LAX1: variants seen among roughly 807,000 people sequenced by gnomAD.
The protein encoded by LAX1 is lymphocyte transmembrane adapter 1.
LAX1 carries 17 observed loss-of-function variants against 20.7 expected under a neutral mutation model. The ratio of observed to expected loss-of-function variants is 0.82; its 90% CI spans 0.56 to 1.23. The LOEUF is 1.23. Among genes scored for constraint, LAX1 ranks in the 50% most tolerant of loss-of-function variants. The probability of loss-of-function intolerance (pLI) is 0.00; values close to 1 mark genes in which losing one functional copy is unlikely to be tolerated. For missense variants in LAX1, 470 were observed against 487.0 expected (o/e 0.97, Z 0.33); for synonymous variants, 165 against 181.0 (o/e 0.91, Z 0.71).
intron 1 of LAX1, among the ~76,000 whole-genome samples, chr1:203,770,614 T>C (rs551639554): frequency 9.2e-5 from 14 of 151,946 alleles, no homozygotes; most frequent in Non-Finnish European, 1.9e-4. Context: ...CCGGTAGGCA[T>C]TTGAAAGGAA....
At chr1:203,769,339 C>G (rs758904478) in intron 1 of LAX1, among the ~76,000 whole-genome samples, 2 of 149,062 alleles carry the variant, frequency 1.3e-5, no homozygotes, top group Non-Finnish European at 3.0e-5. Flanking sequence ...TTGCAGTGAG[C>G]CAAGATCATG....
intron 1 of LAX1, among the ~76,000 whole-genome samples, chr1:203,767,527 C>T (rs761593410): frequency 1.3e-4 from 19 of 151,520 alleles, no homozygotes; most frequent in Non-Finnish European, 2.6e-4. Context: ...AGGCTGGTCT[C>T]GAACTCCTTA....
Position 203,772,160 on chromosome 1 carries a change from C to T in LAX1, c.390+13C>T. On this transcript the variant is annotated intron_variant, in intron 4 of 4. Transcript: ENST00000442561. ...CCCGGAGCATGTGGTAAGAGTCAAGCTTCTTGGGAGAATGACATGTCTCTG... is the reference window on the plus strand; with the variant it reads ...CCCGGAGCATGTGGTAAGAGTCAAGTTTCTTGGGAGAATGACATGTCTCTG... 1 of 1,596,676 alleles carries T rather than the reference C, an allele frequency of 6.3e-7. No individual in the cohort carries two copies. The highest frequency in any genetic ancestry group is 8.6e-7 in the Non-Finnish European group (1 of 1,164,134).
At chr1:203,769,773 C>CGGGGGGGGGGGG (rs1311215813) in intron 1 of LAX1, 5 of 24,322 alleles carry the variant, frequency 2.1e-4, no homozygotes, top group Non-Finnish European at 2.6e-4. Context: ...CAAATTGGTG[C>CGGGGGGGGGGGG]GGGGGGGGGG....
rs867766089 is a variant in LAX1, at chr1:203,765,257, T to G, written c.-309T>G. On this transcript the variant is annotated 5_prime_UTR_variant, in exon 1 of 5. Transcript: ENST00000442561. ...TGAGCCTCTTGGCAGTTTCCCCCTC[T>G]GTGCCCCTCACGTTTCCACCAGAAA... 3.4e-5 allele frequency: 42 copies of G among 1,241,242 alleles called. No homozygotes were observed. In the South Asian group the frequency reaches 5.4e-4, roughly 16 times the overall value. The allele number at this position is 1,241,242 out of a possible 1,614,324, so 76.9% of individuals were successfully genotyped here.
chr1:203,773,765 T>C (rs1667459792), intron 4 of LAX1, 110 bp from the exon 5 acceptor site: 2 of 253,954 alleles, frequency 7.9e-6, no homozygotes, highest in African/African-American at 2.9e-5. Flanking sequence ...TCTTTTTTTT[T>C]TTTTTTTTTT....
At chr1:203,769,441 GAA>G (rs1491157801) in intron 1 of LAX1, among the ~76,000 whole-genome samples, 42 of 94,724 alleles carry the variant, frequency 4.4e-4, no homozygotes, top group African/African-American at 1.4e-3. Context: ...AAGAAAGAAA[GAA>G]GGAAAGAAAG....
At position 203,775,913 on chromosome 1, in the gene LAX1, G is replaced by C. The variant is rs1317462350; in HGVS notation, c.*1232G>C. 1 of 152,320 alleles carries C rather than the reference G, an allele frequency of 6.6e-6. No homozygotes were observed. Among genetic ancestry groups the C allele is most frequent in the African/African-American group, 2.4e-5 (1 of 41,464 alleles). 9.4% of individuals were successfully genotyped at this position (152,320 alleles called of 1,614,324 possible). A position where few individuals can be genotyped will look rare whatever the true frequency, so the allele number is the denominator to read the frequency against. On this transcript the variant is annotated 3_prime_UTR_variant, in exon 5 of 5. Transcript: ENST00000442561. ...ACAGATCAGTTGTTGTCAGGTTTGA[G>C]AAAAGGAGGGAAGTTTGCTACAAAG...
intron 1 of LAX1, among the ~76,000 whole-genome samples, chr1:203,770,208 G>A (rs989031601): frequency 6.6e-6 from 1 of 151,770 alleles, no homozygotes; most frequent in Non-Finnish European, 1.5e-5. Context: ...ACAAGGTCAA[G>A]AGATTGAGAC....
rs1667285567 is a variant in LAX1, at chr1:203,765,253, C to T, written c.-313C>T. On this transcript the variant is annotated 5_prime_UTR_variant, in exon 1 of 5. Coordinates refer to ENST00000442561, the MANE Select transcript of LAX1 (RefSeq NM_017773.4). Reference sequence around the variant, plus strand: ...CTCTTGAGCCTCTTGGCAGTTTCCCCCTCTGTGCCCCTCACGTTTCCACCA... The same window carrying T: ...CTCTTGAGCCTCTTGGCAGTTTCCCTCTCTGTGCCCCTCACGTTTCCACCA... The T allele has an allele frequency of 1.7e-6, 2 of 1,198,976 alleles. No individual in the cohort carries two copies. The allele number at this position is 1,198,976 out of a possible 1,614,324, so 74.3% of individuals were successfully genotyped here.
intron 1 of LAX1, among the ~76,000 whole-genome samples, chr1:203,766,454 G>A (rs78964285): frequency 0.025 from 3,810 of 152,210 alleles, 141 homozygotes; most frequent in African/African-American, 0.083. Flanking sequence ...TCCAGCCTGG[G>A]CAACAAAAGC....
Position 203,765,634 on chromosome 1 carries a change from G to C in LAX1, c.69G>C (p.Val23=), listed in dbSNP as rs1298335562. ...GRTLESSTLH[V]TPRSLDRNKD... is the part of the protein sequence containing the mutation. ...CCTTGGAGTCCAGCACTCTGCATGT[G>C]ACTCCCCGCAGCCTGGACAGGTGAG... Residue 23 remains valine (V), a synonymous_variant, in exon 1 of 5, where the codon GTG becomes GTC. Transcript: ENST00000442561. 4 of 1,614,008 alleles carry C rather than the reference G, an allele frequency of 2.5e-6. No homozygotes were observed. The highest frequency in any genetic ancestry group is 3.4e-6 in the Non-Finnish European group (4 of 1,180,026).
intron 2 of LAX1, 152 bp from the exon 3 acceptor site, chr1:203,771,215 T>G: frequency 1.4e-6 from 1 of 700,794 alleles, no homozygotes. Context: ...CTCACTCAAA[T>G]GAAAATTCCT....
Position 203,774,152 on chromosome 1 carries a change from AG to A in LAX1, c.669del (p.Lys224SerfsTer48). 1.2e-6 allele frequency: 2 copies of A among 1,614,188 alleles called. No individual in the cohort carries two copies. The highest frequency in any genetic ancestry group is 1.7e-6 in the Non-Finnish European group (2 of 1,180,034). On this transcript the variant is annotated frameshift_variant, in exon 5 of 5. Coordinates refer to ENST00000442561, the MANE Select transcript of LAX1 (RefSeq NM_017773.4). LOFTEE classifies it low-confidence loss of function (END_TRUNC). The stretch of plus-strand genomic sequence containing the variant: ...AATCTCTTTGTTCTTCCCAGTACCC[AG>A]AAGCTGGAGTTTACTGAGGAAAGAG... ...SRNLFVLPST[Q>X]KLEFTEERDE...
chr1:203,766,943 C>T (rs998951223), intron 1 of LAX1, among the ~76,000 whole-genome samples: 2 of 152,156 alleles, frequency 1.3e-5, no homozygotes, highest in African/African-American at 4.8e-5. Context: ...GCAGCCTCCA[C>T]CTCCCAGGTT....
At chr1:203,768,500 A>G (rs780523658) in intron 1 of LAX1, among the ~76,000 whole-genome samples, 2 of 152,088 alleles carry the variant, frequency 1.3e-5, no homozygotes, top group Non-Finnish European at 2.9e-5. Flanking sequence ...TTCCTGGGAG[A>G]GGGAGTGGCA....
At chr1:203,771,307 T>C in intron 2 of LAX1, 60 bp from the exon 3 acceptor site, 1 of 1,030,870 alleles carries the variant, frequency 9.7e-7, no homozygotes, top group Non-Finnish European at 1.5e-6. Flanking sequence ...TTCCCATGAG[T>C]CTCTTCACTC....
chr1:203,768,036 T>C (rs12406458), intron 1 of LAX1, among the ~76,000 whole-genome samples: 52,380 of 151,768 alleles, frequency 0.35, 10,515 homozygotes, highest in East Asian at 0.89. Context: ...TCGGGCTGGG[T>C]GAGGTGGCTC....
rs61753402 is a variant in LAX1, at chr1:203,773,937, G to C, written c.453G>C (p.Ala151=). The C allele has an allele frequency of 2.5e-6, 4 of 1,613,480 alleles. No homozygotes were observed. The highest frequency in any genetic ancestry group is 3.4e-6 in the Non-Finnish European group (4 of 1,179,902). The stretch of plus-strand genomic sequence containing the variant: ...CCCACATCCATGCCACAGAGTACGC[G>C]GTGGGTATCTATGACAACGCCATGG... ...HTAHIHATEY[A]VGIYDNAMVP... The change falls in exon 5 of 5, where the codon GCG becomes GCC. Residue 151 remains alanine, a synonymous_variant. Transcript: ENST00000442561.
Sources: allele counts gnomAD v4.1 joint callset (sites outside exome capture counted in the v4.1 genomes callset), GRCh38; gene constraint gnomAD v4.1.1; transcripts MANE v1.5; gene names NCBI Gene and HGNC (gene_info 2026-07-23, HGNC 2026-07-21).